ZFYVE28: variants seen among roughly 807,000 people sequenced by gnomAD.
ZFYVE28 encodes zinc finger FYVE-type containing 28.
In ZFYVE28, 40 loss-of-function variants were observed where a neutral mutation model predicts 82.1. The ratio of observed to expected loss-of-function variants is 0.49; its 90% CI spans 0.38 to 0.63. The LOEUF (loss-of-function observed/expected upper bound fraction) is 0.63, where lower values mean the gene tolerates loss of function less well. Among genes scored for constraint, ZFYVE28 ranks in the 30% least tolerant of loss-of-function variants. ZFYVE28 has a pLI of 0.00. For missense variants in ZFYVE28, 1,321 were observed against 1,242.1 expected (o/e 1.06, Z -0.96); for synonymous variants, 612 against 546.1 (o/e 1.12, Z -1.68).
intron 1 of ZFYVE28, among the ~76,000 whole-genome samples, chr4:2,382,483 A>C (rs896890510): frequency 6.6e-6 from 1 of 152,198 alleles, no homozygotes; most frequent in African/African-American, 2.4e-5. Flanking sequence ...GAGTCAAAGG[A>C]GATCATTTTG....
intron 1 of ZFYVE28, among the ~76,000 whole-genome samples, chr4:2,405,473 A>C (rs558085876): frequency 6.6e-5 from 10 of 152,370 alleles, no homozygotes; most frequent in South Asian, 4.1e-4. Context: ...TGCGCTGAGC[A>C]GACTTACAGT....
chr4:2,363,589 C>T (rs575841770), intron 1 of ZFYVE28, among the ~76,000 whole-genome samples: 50 of 152,308 alleles, frequency 3.3e-4, no homozygotes, highest in Non-Finnish European at 6.9e-4. Flanking sequence ...CTTCCCGACA[C>T]TGGGGACTGG....
At chr4:2,397,850 A>G (rs1324100115) in intron 1 of ZFYVE28, among the ~76,000 whole-genome samples, 11 of 152,286 alleles carry the variant, frequency 7.2e-5, no homozygotes, top group African/African-American at 2.6e-4. Context: ...TCGGAATGAC[A>G]TTGCTGCAAA....
intron 1 of ZFYVE28, among the ~76,000 whole-genome samples, chr4:2,386,776 G>A (rs1729299323): frequency 2.6e-5 from 4 of 152,256 alleles, no homozygotes; most frequent in Admixed American, 6.5e-5. Flanking sequence ...CCCAGTCTCA[G>A]GTATTTCATT....
Position 2,280,942 on chromosome 4 carries a change from T to C in ZFYVE28, c.2052-6726A>G, listed in dbSNP as rs578207379. On this transcript the variant is annotated intron_variant, in intron 8 of 12. Coordinates refer to ENST00000290974, the MANE Select transcript of ZFYVE28 (RefSeq NM_020972.3). ...CCCTGACGTTCAACAGAGAGTTGAG[T>C]GTGGCATAAGAACAATGGCTTCTAC... is the stretch of plus-strand genomic sequence containing the variant. Among the ~76,000 whole-genome samples, 4 of 152,144 alleles carry C rather than the reference T, an allele frequency of 2.6e-5. No homozygotes were observed. The South Asian group carries it at 8.3e-4, about 32-fold the overall frequency.
In ZFYVE28 at chr4:2,304,967, A is replaced by G. The variant is rs1303409327; in HGVS notation, c.1373T>C (p.Leu458Ser). ...SLPASEKEED[L>S]SNNNLEAEGT... is the part of the protein sequence containing the mutation. ...CTCGGCCTCGAGATTGTTGTTGCTC[A>G]AGTCCTCCTCCTTTTCCGAGGCGGG... Residue 458 changes from leucine to serine, a missense_variant, in exon 8 of 13, where the codon TTG becomes TCG. Physicochemically the swap from Leu to Ser is moderately radical, Grantham distance 145. Coordinates refer to ENST00000290974, the MANE Select transcript of ZFYVE28 (RefSeq NM_020972.3). 2.5e-6 allele frequency: 4 copies of G among 1,612,498 alleles called. No individual in the cohort carries two copies. Among genetic ancestry groups the G allele is most frequent in the Non-Finnish European group, 3.4e-6 (4 of 1,179,874 alleles).
intron 1 of ZFYVE28, among the ~76,000 whole-genome samples, chr4:2,390,565 G>T (rs2030389098): frequency 6.6e-6 from 1 of 152,158 alleles, no homozygotes; most frequent in African/African-American, 2.4e-5. Context: ...AGGTGACCCG[G>T]CCAGGTTTGT....
chr4:2,317,439 G>C (rs1718392334), intron 7 of ZFYVE28, among the ~76,000 whole-genome samples: 1 of 152,182 alleles, frequency 6.6e-6, no homozygotes, highest in Non-Finnish European at 1.5e-5. Context: ...TTCGGACACG[G>C]AGTAGGTTGA....
intron 8 of ZFYVE28, among the ~76,000 whole-genome samples, chr4:2,295,013 A>C: frequency 1.3e-5 from 2 of 152,220 alleles, no homozygotes; most frequent in East Asian, 3.8e-4. Flanking sequence ...ATGCAAATTA[A>C]AACTACAACG....
chr4:2,380,628 G>A (rs565147554), intron 1 of ZFYVE28, among the ~76,000 whole-genome samples: 4 of 152,270 alleles, frequency 2.6e-5, no homozygotes, highest in Admixed American at 1.3e-4. Context: ...TTATACTCTC[G>A]TAATTCCCAC....
At chr4:2,330,259 G>A (rs1285531852) in intron 6 of ZFYVE28, 1 of 987,526 alleles carries the variant, frequency 1.0e-6, no homozygotes, top group Non-Finnish European at 1.2e-6. Context: ...TGAGTCATAG[G>A]GTAATGAATT....
At chr4:2,397,130 A>G (rs1269021765) in intron 1 of ZFYVE28, among the ~76,000 whole-genome samples, 2 of 152,224 alleles carry the variant, frequency 1.3e-5, no homozygotes, top group South Asian at 2.1e-4. Flanking sequence ...AACATAACAC[A>G]AAATCGACCT....
chr4:2,372,273 G>A lies in ZFYVE28; in HGVS notation c.40-18200C>T, dbSNP rs780584338. Among the ~76,000 whole-genome samples, 2 of 152,090 alleles carry A rather than the reference G, an allele frequency of 1.3e-5. No homozygotes were observed. The highest frequency in any genetic ancestry group is 2.9e-5 in the Non-Finnish European group (2 of 67,996). On this transcript the variant is annotated intron_variant, in intron 1 of 12. Transcript: ENST00000290974. The surrounding 1 kb of genome is among the most constrained non-coding windows in gnomAD (Gnocchi z 5.2). ...CTGAGTCTGGTTCCGAGAAGGACTC[G>A]TGAGGGGGTAGGAATGGTCCCACCA...
chr4:2,330,849 G>C, intron 6 of ZFYVE28: 3 of 1,535,446 alleles, frequency 2.0e-6, no homozygotes, highest in Non-Finnish European at 2.6e-6. Flanking sequence ...CGTGGGGACT[G>C]GGGAGAGAGG....
rs935976405 is a variant in ZFYVE28, at chr4:2,391,654, C to T, written c.39+26631G>A. On this transcript the variant is annotated intron_variant, in intron 1 of 12. Transcript: ENST00000290974. The stretch of plus-strand genomic sequence containing the variant: ...CTAACTCTCCCTCCCCATTCCACCT[C>T]CCCCAGACCCTGGCACCCACCACTC... 1.1e-4 allele frequency among the ~76,000 whole-genome samples: 16 copies of T among 151,830 alleles called. 1 individual carries two copies. Among genetic ancestry groups the T allele is most frequent in the African/African-American group, 3.1e-4 (13 of 41,410 alleles).
At chr4:2,389,982 T>G (rs909430237) in intron 1 of ZFYVE28, among the ~76,000 whole-genome samples, 6 of 152,096 alleles carry the variant, frequency 3.9e-5, no homozygotes, top group African/African-American at 1.4e-4. Context: ...CTATTGTGGG[T>G]TGAATGGCGG....
intron 6 of ZFYVE28, among the ~76,000 whole-genome samples, chr4:2,327,228 T>C (rs1221444762): frequency 7.2e-6 from 1 of 138,316 alleles, no homozygotes; most frequent in Non-Finnish European, 1.5e-5. Flanking sequence ...CCAGCCTGGG[T>C]GACGGAGCAA....
chr4:2,307,480 T>C (rs1560179927), intron 7 of ZFYVE28, among the ~76,000 whole-genome samples: 1 of 152,130 alleles, frequency 6.6e-6, no homozygotes, highest in Admixed American at 6.5e-5. Flanking sequence ...CTCCTTGATA[T>C]TTTCCTCTAA....
chr4:2,340,034 G>A lies in ZFYVE28; in HGVS notation c.319-379C>T, dbSNP rs574810196. Among the ~76,000 whole-genome samples, 360 of 152,146 alleles carry A rather than the reference G, an allele frequency of 2.4e-3. 2 individuals are homozygous for A. The highest frequency in any genetic ancestry group is 8.3e-3 in the African/African-American group (344 of 41,526). On this transcript the variant is annotated intron_variant, in intron 3 of 12. Transcript: ENST00000290974. ...GTCATGTGACTCTTTTCCGCTCCCCGTCCAGGCCACAGGGATGAAGTTCAA... is the reference window on the plus strand; with the variant it reads ...GTCATGTGACTCTTTTCCGCTCCCCATCCAGGCCACAGGGATGAAGTTCAA...
Sources: allele counts gnomAD v4.1 joint callset (sites outside exome capture counted in the v4.1 genomes callset), GRCh38; gene constraint gnomAD v4.1.1; non-coding constraint Gnocchi (gnomAD v3.1); transcripts MANE v1.5; gene names NCBI Gene and HGNC (gene_info 2026-07-23, HGNC 2026-07-21).